The following LITAF variants were observed in gnomAD, a reference collection of about 807,000 sequenced individuals.
LITAF encodes lipopolysaccharide induced TNF factor.
A neutral mutation model predicts 14.5 loss-of-function variants in LITAF; 9 were observed. That is an observed-to-expected ratio of 0.62 (90% CI 0.37 to 1.08). The LOEUF (loss-of-function observed/expected upper bound fraction) is 1.08, where lower values mean the gene tolerates loss of function less well. Ranked by LOEUF, LITAF falls within the 50% of genes least tolerant of loss-of-function variation. The pLI, the probability that LITAF is intolerant of heterozygous loss-of-function variation, is 0.01. For missense variants in LITAF, 206 were observed against 213.4 expected, an observed-to-expected ratio of 0.97 and a Z score of 0.22; for synonymous variants, 98 against 88.2, an observed-to-expected ratio of 1.11 and a Z score of -0.62.
Position 11,632,531 on chromosome 16 carries a change from G to A in LITAF, c.85+1002C>T, listed in dbSNP as rs546324330. 1.2e-4 allele frequency among the ~76,000 whole-genome samples: 18 copies of A among 152,314 alleles called. 1 individual carries two copies. The East Asian group carries it at 2.3e-3, about 20-fold the overall frequency. ...AACTAACAGCTACCCCTGACTCTGC[G>A]GGCCCAGAGCAGATCACTGCCAGCC... On this transcript the variant is annotated intron_variant, in intron 3 of 3. Coordinates refer to the LITAF transcript ENST00000574848. The surrounding 1 kb of genome is among the most constrained non-coding windows in gnomAD (Gnocchi z 4.8).
intron 3 of LITAF, among the ~76,000 whole-genome samples, chr16:11,607,678 C>A (rs1567261914): frequency 6.6e-6 from 1 of 150,846 alleles, no homozygotes; most frequent in Non-Finnish European, 1.5e-5. Context: ...GTTGTGAATG[C>A]AAAAAAAAAT....
chr16:11,578,865 G>A (rs144239826), intron 1 of LITAF, among the ~76,000 whole-genome samples: 1 of 152,294 alleles, frequency 6.6e-6, no homozygotes, highest in East Asian at 1.9e-4. Context: ...AACTAACATA[G>A]CCAGGGTGGC....
Position 11,550,079 on chromosome 16 carries a change from G to A in LITAF, c.378-334C>T, listed in dbSNP as rs375952117. Among the ~76,000 whole-genome samples, 32 of 152,302 alleles carry A rather than the reference G, an allele frequency of 2.1e-4. 1 individual carries two copies. The East Asian group carries it at 3.3e-3, about 16-fold the overall frequency. ...TGATTCTCCCTGAAGCCTTAGGAGG[G>A]AGCGTGGCCCTGCTGACATTTTAGT... On this transcript the variant is annotated intron_variant, in intron 3 of 3. Coordinates refer to ENST00000622633, the MANE Select transcript of LITAF (RefSeq NM_001136472.2).
At chr16:11,556,766 A>G (rs777363896) in intron 1 of LITAF, 31 bp from the exon 2 acceptor site, 3 of 1,557,876 alleles carry the variant, frequency 1.9e-6, no homozygotes, top group Non-Finnish European at 1.8e-6. Context: ...ACCAGATAAG[A>G]AATTCAGTTG....
At chr16:11,571,349 G>T (rs1055434188) in intron 1 of LITAF, among the ~76,000 whole-genome samples, 1 of 152,204 alleles carries the variant, frequency 6.6e-6, no homozygotes, top group Non-Finnish European at 1.5e-5. Flanking sequence ...TTACAGGCGT[G>T]AGCCACTGCG....
intron 1 of LITAF, among the ~76,000 whole-genome samples, chr16:11,579,338 C>G (rs1305835384): frequency 6.6e-6 from 1 of 151,718 alleles, no homozygotes; most frequent in East Asian, 1.9e-4. Flanking sequence ...GTAGTCCCAG[C>G]TACTCGGGAG....
In LITAF at chr16:11,553,598, C is replaced by CA. The variant is rs2064217424; in HGVS notation, c.311dup (p.Ser105GlufsTer6). ...CACCGGCGTTATAGGACAGCTGACT[C>CA]ACGATCATCTTGTTGCAGGAAGGAC... On this transcript the variant is annotated frameshift_variant, in exon 3 of 4. Transcript: ENST00000622633. LOFTEE classifies it high-confidence loss of function. The surrounding 1 kb of genome is among the most constrained non-coding windows in gnomAD (Gnocchi z 7.7). The CA allele has an allele frequency of 6.2e-7, 1 of 1,614,150 alleles. No individual in the cohort carries two copies. Among genetic ancestry groups the CA allele is most frequent in the Non-Finnish European group, 8.5e-7 (1 of 1,180,034 alleles).
upstream of LITAF, among the ~76,000 whole-genome samples, chr16:11,602,570 C>A (rs1292194514): frequency 6.6e-6 from 1 of 152,034 alleles, no homozygotes; most frequent in African/African-American, 2.4e-5. Context: ...GGCATGAAAT[C>A]ATTTGATTGG....
At chr16:11,574,453 C>G (rs1363016429) in intron 1 of LITAF, among the ~76,000 whole-genome samples, 4 of 152,304 alleles carry the variant, frequency 2.6e-5, no homozygotes, top group African/African-American at 9.6e-5. Context: ...TGGGGTGTGA[C>G]AAACACTGGT....
At chr16:11,560,686 A>G (rs1466030007) in intron 1 of LITAF, among the ~76,000 whole-genome samples, 1 of 152,164 alleles carries the variant, frequency 6.6e-6, no homozygotes, top group African/African-American at 2.4e-5. Context: ...GAGTCACAGA[A>G]GGTTATAGAG....
rs188585794 is a variant in LITAF, at chr16:11,632,246, G to A, written c.85+1287C>T. ...TCGTGGACGTGTCTTTCGGGGAGGG[G>A]TCATTATCAAGTAACTACAGCTGCC... On this transcript the variant is annotated intron_variant, in intron 3 of 3. Transcript: ENST00000574848. This position sits in a 1 kb window ranked among gnomAD's most constrained non-coding sequence, Gnocchi z 4.8. Among the ~76,000 whole-genome samples, 617 of 152,214 alleles carry A rather than the reference G, an allele frequency of 4.1e-3. No homozygotes were observed. The highest frequency in any genetic ancestry group is 5.6e-3 in the Non-Finnish European group (381 of 68,008).
upstream of LITAF, among the ~76,000 whole-genome samples, chr16:11,588,760 A>C (rs1480086415): frequency 6.6e-6 from 1 of 152,108 alleles, no homozygotes; most frequent in African/African-American, 2.4e-5. Context: ...ACACCTAGGG[A>C]AAATCTCTCA....
rs1418252657 is a variant in LITAF at position 11,548,911 on chromosome 16, G to C, written c.*726C>G. ...ATTACTCTATGAGAAAAAAATCCCTGTATGGAAAGGGGCACTGAAGATCTG... is the reference window on the plus strand; with the variant it reads ...ATTACTCTATGAGAAAAAAATCCCTCTATGGAAAGGGGCACTGAAGATCTG... On this transcript the variant is annotated 3_prime_UTR_variant, in exon 4 of 4. Coordinates refer to ENST00000622633, the MANE Select transcript of LITAF (RefSeq NM_001136472.2). 4.4e-6 allele frequency: 2 copies of C among 453,898 alleles called. No homozygotes were observed. Among genetic ancestry groups the C allele is most frequent in the African/African-American group, 4.0e-5 (2 of 49,966 alleles). The allele number at this position is 453,898 out of a possible 1,614,324, so 28.1% of individuals were successfully genotyped here. A position where few individuals can be genotyped will look rare whatever the true frequency, so the allele number is the denominator to read the frequency against.
chr16:11,568,609 C>A (rs1484039867), intron 1 of LITAF, among the ~76,000 whole-genome samples: 4 of 151,498 alleles, frequency 2.6e-5, no homozygotes, highest in Non-Finnish European at 5.9e-5. Context: ...AAGGGGACAT[C>A]GAGTTGCTAC....
chr16:11,563,258 C>T (rs1373194666), intron 1 of LITAF, among the ~76,000 whole-genome samples: 4 of 152,086 alleles, frequency 2.6e-5, no homozygotes, highest in Admixed American at 6.5e-5. Context: ...AAGCAATTCT[C>T]GTGCCTCAGC....
upstream of LITAF, among the ~76,000 whole-genome samples, chr16:11,598,711 G>A (rs1013599077): frequency 1.2e-4 from 18 of 152,078 alleles, no homozygotes; most frequent in South Asian, 2.1e-4. Flanking sequence ...CTGAGCCAGC[G>A]CCTCCCTTCC....
chr16:11,601,808 C>A (rs1323595485), upstream of LITAF, among the ~76,000 whole-genome samples: 1 of 152,174 alleles, frequency 6.6e-6, no homozygotes, highest in Non-Finnish European at 1.5e-5. Flanking sequence ...AATCCGCCTG[C>A]CTAGGCCTCC....
At position 11,613,986 on chromosome 16, in the gene LITAF, T is replaced by C. The variant is rs371835685; in HGVS notation, c.85+19547A>G. ...CTGCTTCCTGGCAGGTCCTGAGATTTGGACACTTGCACATGACTCATTCAT... is the reference window on the plus strand; with the variant it reads ...CTGCTTCCTGGCAGGTCCTGAGATTCGGACACTTGCACATGACTCATTCAT... On this transcript the variant is annotated intron_variant, in intron 3 of 3. Transcript: ENST00000574848. Among the ~76,000 whole-genome samples the C allele has an allele frequency of 1.4e-3, 211 of 152,328 alleles. 5 individuals are homozygous for C. In the South Asian group the frequency reaches 0.042, roughly 30 times the overall value.
intron 3 of LITAF, among the ~76,000 whole-genome samples, chr16:11,630,683 A>G (rs1030089083): frequency 4.0e-5 from 6 of 150,908 alleles, no homozygotes; most frequent in Admixed American, 6.6e-5. Context: ...GGCTCAAACA[A>G]TCCTCCCACC....
Sources: gnomAD v4.1 joint callset for allele counts (sites outside exome capture counted in the v4.1 genomes callset) on GRCh38, gnomAD v4.1.1 for gene constraint, Gnocchi (gnomAD v3.1) non-coding constraint, MANE v1.5 for transcripts, NCBI Gene and HGNC (gene_info 2026-07-23, HGNC 2026-07-21) for gene names.